The following MCTP1 variants were observed in gnomAD, a reference collection of about 807,000 sequenced individuals.
MCTP1 encodes the protein multiple C2 and transmembrane domain-containing protein 1.
A neutral mutation model predicts 120.6 loss-of-function variants in MCTP1; 69 were observed. The observed-to-expected ratio is 0.57, with a 90% CI of 0.47 to 0.70. MCTP1 has a LOEUF of 0.70. Ranked by LOEUF, MCTP1 falls within the 30% of genes least tolerant of loss-of-function variation. MCTP1 has a pLI of 0.00. For missense variants in MCTP1, 1,203 were observed against 1,248.8 expected, an observed-to-expected ratio of 0.96 and a Z score of 0.55; for synonymous variants, 529 against 493.1, an observed-to-expected ratio of 1.07 and a Z score of -0.96.
At chr5:95,227,451 T>C (rs1238826760) in intron 1 of MCTP1, among the ~76,000 whole-genome samples, 1 of 151,990 alleles carries the variant, frequency 6.6e-6, no homozygotes, top group Non-Finnish European at 1.5e-5. Flanking sequence ...AAGACAAAGC[T>C]CAGAACCTAA....
intron 1 of MCTP1, among the ~76,000 whole-genome samples, chr5:95,201,052 C>G (rs1750952667): frequency 6.6e-6 from 1 of 152,192 alleles, no homozygotes; most frequent in Non-Finnish European, 1.5e-5. Flanking sequence ...GATGCTATAA[C>G]TTTATTCCAA....
At position 94,904,079 on chromosome 5, in the gene MCTP1, C is replaced by T. The variant is rs1267980416; in HGVS notation, c.1652+5172G>A. ...AGTTAAATAATTACATGCAGATTAACATTATTTCACCTTCACTTGAAATTT... is the reference window on the plus strand; with the variant it reads ...AGTTAAATAATTACATGCAGATTAATATTATTTCACCTTCACTTGAAATTT... On this transcript the variant is annotated intron_variant, in intron 10 of 22. Transcript: ENST00000515393. 2.0e-5 allele frequency among the ~76,000 whole-genome samples: 3 copies of T among 152,358 alleles called. No individual in the cohort carries two copies. In the East Asian group the frequency reaches 5.8e-4, roughly 29 times the overall value.
chr5:95,204,008 A>G lies in MCTP1; in HGVS notation c.720+79848T>C, dbSNP rs547333509. On this transcript the variant is annotated intron_variant, in intron 1 of 22. Transcript: ENST00000515393. Reference sequence around the variant, plus strand: ...GGATCCATTTGTACTTGGCAAATGCATTTCTGCTTGTTAAATTCACTGAGT... The same window carrying G: ...GGATCCATTTGTACTTGGCAAATGCGTTTCTGCTTGTTAAATTCACTGAGT... 2.1e-4 allele frequency among the ~76,000 whole-genome samples: 32 copies of G among 152,294 alleles called. No individual in the cohort carries two copies. In the South Asian group the frequency reaches 6.4e-3, roughly 31 times the overall value.
chr5:94,735,832 C>T (rs1417599780), intron 19 of MCTP1, among the ~76,000 whole-genome samples: 2 of 152,042 alleles, frequency 1.3e-5, no homozygotes, highest in East Asian at 1.9e-4. Flanking sequence ...GTATCTAACT[C>T]GACAGTATGT....
chr5:95,263,327 A>G (rs570216813), intron 1 of MCTP1, among the ~76,000 whole-genome samples: 1 of 152,284 alleles, frequency 6.6e-6, no homozygotes, highest in Non-Finnish European at 1.5e-5. Flanking sequence ...TTCTTCAGCC[A>G]AGCTATGGAT....
intron 1 of MCTP1, among the ~76,000 whole-genome samples, chr5:95,065,310 A>G (rs1210560791): frequency 6.6e-6 from 1 of 152,082 alleles, no homozygotes; most frequent in African/African-American, 2.4e-5. Flanking sequence ...ATTGCAAGAA[A>G]AGAAAAAAAA....
chr5:95,275,933 A>C (rs1759791146), intron 1 of MCTP1, among the ~76,000 whole-genome samples: 1 of 152,214 alleles, frequency 6.6e-6, no homozygotes, highest in African/African-American at 2.4e-5. Flanking sequence ...GTTAAAGAAT[A>C]GGCATGTGAG....
chr5:94,857,584 T>G (rs192943312), intron 17 of MCTP1, among the ~76,000 whole-genome samples: 51 of 151,870 alleles, frequency 3.4e-4, no homozygotes, highest in Admixed American at 1.1e-3. Flanking sequence ...AAATACTTTT[T>G]CATACTGATA....
At chr5:94,779,029 CT>C in intron 19 of MCTP1, 80 bp downstream of exon 19, 1 of 1,318,364 alleles carries the variant, frequency 7.6e-7, no homozygotes, top group Non-Finnish European at 1.1e-6. Context: ...ACTTCAACTC[CT>C]TTTTTAACTG....
chr5:95,118,832 T>C (rs980109517), intron 1 of MCTP1, among the ~76,000 whole-genome samples: 3 of 152,176 alleles, frequency 2.0e-5, no homozygotes, highest in Non-Finnish European at 4.4e-5. Context: ...CAGCACAATA[T>C]TTAACAATTG....
chr5:94,741,979 G>C lies in MCTP1; in HGVS notation c.2611-27093C>G, dbSNP rs968280337. Among the ~76,000 whole-genome samples the C allele has an allele frequency of 9.9e-5, 15 of 152,146 alleles. 1 individual carries two copies. Among genetic ancestry groups the C allele is most frequent in the African/African-American group, 3.4e-4 (14 of 41,412 alleles). On this transcript the variant is annotated intron_variant, in intron 19 of 22. Coordinates refer to ENST00000515393, the MANE Select transcript of MCTP1 (RefSeq NM_024717.7). ...AGTTAAAATGCTTAACCCAGTGCTT[G>C]GCTCATATCAGTGTTCCATAAATGT... is the stretch of plus-strand genomic sequence containing the variant.
At position 94,842,587 on chromosome 5, in the gene MCTP1, G is replaced by A. The variant is rs569301633; in HGVS notation, c.2436+25746C>T. Among the ~76,000 whole-genome samples the A allele has an allele frequency of 2.0e-5, 3 of 152,266 alleles. No homozygotes were observed. The East Asian group carries it at 5.8e-4, about 29-fold the overall frequency. Reference sequence around the variant, plus strand: ...ATCATCAAGGAACAAAGGGCCACAAGCAATTCCTTCCTCTTATCTTTGCAA... The same window carrying A: ...ATCATCAAGGAACAAAGGGCCACAAACAATTCCTTCCTCTTATCTTTGCAA... On this transcript the variant is annotated intron_variant, in intron 17 of 22. Transcript: ENST00000515393.
chr5:94,740,363 A>G (rs1399299386), intron 19 of MCTP1, among the ~76,000 whole-genome samples: 2 of 152,256 alleles, frequency 1.3e-5, no homozygotes, highest in African/African-American at 4.8e-5. Context: ...AGTATGTTTC[A>G]GATGGCAACA....
chr5:95,227,499 T>A (rs1191300932), intron 1 of MCTP1, among the ~76,000 whole-genome samples: 1 of 152,008 alleles, frequency 6.6e-6, no homozygotes, highest in African/African-American at 2.4e-5. Flanking sequence ...ACGGGAGAAA[T>A]GAGAGCAGTC....
chr5:94,779,154 C>T lies in MCTP1; in HGVS notation c.2566G>A (p.Asp856Asn). Residue 856 changes from aspartate (D) to asparagine (N), a missense_variant, in exon 19 of 23, where the codon GAC becomes AAC. By Grantham distance (23) the Asp-to-Asn change is conservative. Transcript: ENST00000515393. ...DNRQRDTVVE[D>N]MLEDEEEEDD... ...TCTTCTTCCTCGTCCTCTAGCATGT[C>T]CTCCACTACCTGCAGAGAGAAACAG... The T allele has an allele frequency of 6.2e-7, 1 of 1,613,528 alleles. No individual in the cohort carries two copies. The highest frequency in any genetic ancestry group is 8.5e-7 in the Non-Finnish European group (1 of 1,179,566).
At chr5:94,950,342 TGGCTA>T (rs11278498) in intron 3 of MCTP1, among the ~76,000 whole-genome samples, 34,584 of 151,776 alleles carry the variant, frequency 0.23, 4,163 homozygotes, top group Non-Finnish European at 0.27. Flanking sequence ...AGTTAAATTG[TGGCTA>T]GGCTACATAA....
intron 19 of MCTP1, among the ~76,000 whole-genome samples, chr5:94,754,879 T>C (rs1769390338): frequency 6.6e-6 from 1 of 152,180 alleles, no homozygotes. Context: ...CTTGTCTCCT[T>C]CCCTTGCAAC....
chr5:95,239,174 G>A (rs1755889759), intron 1 of MCTP1, among the ~76,000 whole-genome samples: 1 of 152,158 alleles, frequency 6.6e-6, no homozygotes, highest in Admixed American at 6.5e-5. Context: ...TTCTGAAAAT[G>A]TTATGATGCA....
intron 1 of MCTP1, among the ~76,000 whole-genome samples, chr5:95,196,283 T>G (rs898006207): frequency 6.6e-6 from 1 of 152,244 alleles, no homozygotes; most frequent in Non-Finnish European, 1.5e-5. Flanking sequence ...ATCATTTCAC[T>G]GTTTATACTA....
Sources: gnomAD v4.1 joint callset for allele counts (sites outside exome capture counted in the v4.1 genomes callset) on GRCh38, gnomAD v4.1.1 for gene constraint, MANE v1.5 for transcripts, NCBI Gene and HGNC (gene_info 2026-07-23, HGNC 2026-07-21) for gene names.